The following CEMIP variants were observed in gnomAD, a reference collection of about 807,000 sequenced individuals.
The protein encoded by CEMIP is cell migration-inducing and hyaluronan-binding protein.
Under a neutral mutation model 156.9 loss-of-function variants are expected in CEMIP, and 105 were observed. The observed-to-expected ratio is 0.67, with a 90% CI of 0.57 to 0.79. The LOEUF (loss-of-function observed/expected upper bound fraction) is 0.79. Ranked by LOEUF, CEMIP falls within the 30% of genes least tolerant of loss-of-function variation. The pLI, the probability that CEMIP is intolerant of heterozygous loss-of-function variation, is 0.00. For missense variants in CEMIP, 1,457 were observed against 1,769.4 expected (o/e 0.82, Z 3.17); for synonymous variants, 676 against 668.4 (o/e 1.01, Z -0.17).
chr15:80,812,972 T>A (rs1896705160), intron 1 of CEMIP, among the ~76,000 whole-genome samples: 1 of 152,254 alleles, frequency 6.6e-6, no homozygotes, highest in Non-Finnish European at 1.5e-5. Flanking sequence ...ACCAGCATCG[T>A]GCTGAAATTA....
chr15:80,944,188 G>A (rs1901449360), intron 28 of CEMIP, among the ~76,000 whole-genome samples: 1 of 152,218 alleles, frequency 6.6e-6, no homozygotes, highest in African/African-American at 2.4e-5. Flanking sequence ...GCTGAGGCAG[G>A]AGAATCGCTT....
intron 14 of CEMIP, among the ~76,000 whole-genome samples, chr15:80,919,439 C>T (rs1185718952): frequency 1.3e-5 from 2 of 152,192 alleles, no homozygotes; most frequent in Non-Finnish European, 2.9e-5. Flanking sequence ...TTCACCTTCT[C>T]ACGTATGATA....
At chr15:80,859,510 G>A (rs1897933037) in intron 1 of CEMIP, among the ~76,000 whole-genome samples, 1 of 152,210 alleles carries the variant, frequency 6.6e-6, no homozygotes, top group Non-Finnish European at 1.5e-5. Context: ...CTATGCCTTT[G>A]CCCAGGTCAG....
At chr15:80,925,568 A>G in intron 18 of CEMIP, 56 bp from the exon 19 acceptor site, 2 of 1,602,406 alleles carry the variant, frequency 1.2e-6, no homozygotes, top group Non-Finnish European at 1.7e-6. Flanking sequence ...GAAGGGAGTC[A>G]GCAGAGGCGT....
intron 12 of CEMIP, among the ~76,000 whole-genome samples, chr15:80,898,232 AG>A (rs1248626921): frequency 6.6e-6 from 1 of 152,248 alleles, no homozygotes; most frequent in African/African-American, 2.4e-5. Flanking sequence ...CAGGAATGCC[AG>A]TTATTTGCTG....
intron 6 of CEMIP, among the ~76,000 whole-genome samples, chr15:80,882,663 T>C (rs1898701286): frequency 6.6e-6 from 1 of 152,168 alleles, no homozygotes; most frequent in African/African-American, 2.4e-5. Context: ...GTCTGCTTGT[T>C]CCGAATATCT....
chr15:80,935,366 A>C (rs983547447), intron 23 of CEMIP, among the ~76,000 whole-genome samples: 2 of 152,192 alleles, frequency 1.3e-5, no homozygotes, highest in African/African-American at 4.8e-5. Context: ...TTTCCTTCCC[A>C]CACTTTCTTT....
chr15:80,800,710 A>T (rs564767507), intron 1 of CEMIP, among the ~76,000 whole-genome samples: 2 of 152,368 alleles, frequency 1.3e-5, no homozygotes, highest in South Asian at 4.1e-4. Flanking sequence ...GAGTTAGAGA[A>T]GAAATTCACA....
intron 1 of CEMIP, among the ~76,000 whole-genome samples, chr15:80,805,055 G>T (rs1175642045): frequency 2.6e-5 from 4 of 152,004 alleles, no homozygotes; most frequent in Admixed American, 6.6e-5. Flanking sequence ...GCACGAGAGG[G>T]CCCCAATTCC....
At chr15:80,947,317 G>T (rs1244498161) in intron 29 of CEMIP, 2 of 477,688 alleles carry the variant, frequency 4.2e-6, no homozygotes, top group Non-Finnish European at 7.6e-6. Flanking sequence ...TGCTATATTT[G>T]TTGACTCATT....
At chr15:80,854,073 C>T (rs1416886135) in intron 1 of CEMIP, among the ~76,000 whole-genome samples, 3 of 152,224 alleles carry the variant, frequency 2.0e-5, no homozygotes, top group Admixed American at 2.0e-4. Flanking sequence ...AGGCACTGTC[C>T]CCTGGGCCTC....
chr15:80,815,373 A>C (rs1596108191), intron 1 of CEMIP, among the ~76,000 whole-genome samples: 2 of 152,358 alleles, frequency 1.3e-5, no homozygotes, highest in Admixed American at 6.5e-5. Flanking sequence ...AAAGGCATTT[A>C]ATTACTATAC....
At chr15:80,842,788 A>G (rs1014387985) in intron 1 of CEMIP, among the ~76,000 whole-genome samples, 3 of 152,138 alleles carry the variant, frequency 2.0e-5, no homozygotes, top group Non-Finnish European at 4.4e-5. Flanking sequence ...AGTGCAGAAG[A>G]CATCTGGGAG....
At chr15:80,870,744 G>A (rs967928529) in intron 1 of CEMIP, among the ~76,000 whole-genome samples, 1 of 152,238 alleles carries the variant, frequency 6.6e-6, no homozygotes, top group African/African-American at 2.4e-5. Flanking sequence ...CTTGGGGGCA[G>A]CCGAGCTTCT....
At chr15:80,937,273 C>T (rs977842009) in intron 24 of CEMIP, among the ~76,000 whole-genome samples, 3 of 152,150 alleles carry the variant, frequency 2.0e-5, no homozygotes, top group African/African-American at 7.2e-5. Context: ...GAGAGGGAAA[C>T]GAGGCTCTGC....
chr15:80,938,018 A>T, intron 25 of CEMIP, 39 bp downstream of exon 25: 2 of 1,553,960 alleles, frequency 1.3e-6, no homozygotes, highest in Non-Finnish European at 1.8e-6. Flanking sequence ...AAGTGGCTCA[A>T]CCTCATCTTG....
intron 1 of CEMIP, among the ~76,000 whole-genome samples, chr15:80,843,979 G>C (rs1164002374): frequency 6.6e-6 from 1 of 152,262 alleles, no homozygotes; most frequent in Non-Finnish European, 1.5e-5. Context: ...ATTAGTGACA[G>C]AGCCAGTTGA....
At chr15:80,874,065 A>G (rs1475921718) in intron 3 of CEMIP, 92 bp downstream of exon 3, 6 of 1,245,456 alleles carry the variant, frequency 4.8e-6, no homozygotes, top group South Asian at 1.3e-5. Flanking sequence ...AGCCAGGAGA[A>G]GGAGCCGTGG....
intron 3 of CEMIP, among the ~76,000 whole-genome samples, chr15:80,876,781 A>G (rs936020577): frequency 6.6e-6 from 1 of 152,228 alleles, no homozygotes; most frequent in Admixed American, 6.5e-5. Context: ...GCTTCCTTCC[A>G]GTTTTCCTTG....
Sources: gnomAD v4.1 joint callset for allele counts (sites outside exome capture counted in the v4.1 genomes callset) on GRCh38, gnomAD v4.1.1 for gene constraint, MANE v1.5 for transcripts, NCBI Gene and HGNC (gene_info 2026-07-23, HGNC 2026-07-21) for gene names.